Variants in TRHDE observed in about 807,000 individuals in gnomAD.
TRHDE encodes the protein thyrotropin releasing hormone degrading enzyme, also known as thyrotropin-releasing hormone-degrading ectoenzyme.
In TRHDE, 72 loss-of-function variants were observed where a neutral mutation model predicts 125.7. That is an observed-to-expected ratio of 0.57 (90% CI 0.47 to 0.70). TRHDE has a LOEUF of 0.70. Among genes scored for constraint, TRHDE ranks in the 30% least tolerant of loss-of-function variants. The pLI is 0.00. For missense variants in TRHDE, 1,110 were observed against 1,327.1 expected, an observed-to-expected ratio of 0.84 and a Z score of 2.54; for synonymous variants, 509 against 509.1, an observed-to-expected ratio of 1.00 and a Z score of 0.00.
chr12:72,578,634 T>C (rs1456605453), intron 12 of TRHDE, among the ~76,000 whole-genome samples: 1 of 152,150 alleles, frequency 6.6e-6, no homozygotes, highest in Non-Finnish European at 1.5e-5. Flanking sequence ...CTTTGTGTCA[T>C]CCGTTTATTA....
chr12:72,470,862 G>GTTT (rs1385578929), intron 4 of TRHDE, among the ~76,000 whole-genome samples: 1 of 111,812 alleles, frequency 8.9e-6, no homozygotes, highest in Non-Finnish European at 1.8e-5. Context: ...GTAAATGTCA[G>GTTT]CTTTTTTTTT....
intron 2 of TRHDE, among the ~76,000 whole-genome samples, chr12:72,118,245 T>C (rs1213446301): frequency 6.6e-6 from 1 of 151,498 alleles, no homozygotes; most frequent in Non-Finnish European, 1.5e-5. Context: ...TTTTATGAGT[T>C]TTTTTTTAAA....
At chr12:72,255,193 C>T (rs950427707) in intron 2 of TRHDE, 6 of 152,122 alleles carry the variant, frequency 3.9e-5, no homozygotes, top group South Asian at 2.1e-4. Flanking sequence ...TAATAAATTG[C>T]GAAGTGGTTT....
At chr12:72,137,353 C>T (rs1325022956) in intron 2 of TRHDE, 2 of 152,184 alleles carry the variant, frequency 1.3e-5, no homozygotes, top group Non-Finnish European at 2.9e-5. Flanking sequence ...CTTAGTCTGG[C>T]ACTTCAAGGA....
chr12:72,241,289 A>C (rs1335530850), intron 2 of TRHDE, among the ~76,000 whole-genome samples: 1 of 152,192 alleles, frequency 6.6e-6, no homozygotes, highest in African/African-American at 2.4e-5. Flanking sequence ...TCACTGTGCT[A>C]TCCCTTTGTA....
intron 2 of TRHDE, among the ~76,000 whole-genome samples, chr12:72,148,647 A>T (rs905652682): frequency 2.0e-5 from 3 of 152,238 alleles, no homozygotes; most frequent in African/African-American, 7.2e-5. Context: ...CAGTGTGGTT[A>T]GCTGCAATTA....
intron 13 of TRHDE, among the ~76,000 whole-genome samples, chr12:72,619,695 T>C (rs1826208): frequency 0.23 from 34,330 of 152,160 alleles, 5,068 homozygotes; most frequent in Non-Finnish European, 0.31. Flanking sequence ...GATTAAGTAC[T>C]GCTCATGAGC....
At chr12:72,616,723 G>A (rs1337339787) in intron 12 of TRHDE, among the ~76,000 whole-genome samples, 1 of 152,040 alleles carries the variant, frequency 6.6e-6, no homozygotes, top group Non-Finnish European at 1.5e-5. Context: ...TTGAAGTTTT[G>A]TAATAAGTTA....
At chr12:72,191,336 G>A (rs560945025) in intron 2 of TRHDE, among the ~76,000 whole-genome samples, 7 of 152,204 alleles carry the variant, frequency 4.6e-5, no homozygotes, top group Non-Finnish European at 7.4e-5. Flanking sequence ...AGCTCTCATA[G>A]CATCTCCTAG....
chr12:72,533,053 G>A (rs1328541401), intron 6 of TRHDE, among the ~76,000 whole-genome samples: 1 of 151,894 alleles, frequency 6.6e-6, no homozygotes, highest in Non-Finnish European at 1.5e-5. Flanking sequence ...TTCCTTAAAA[G>A]TTTATTTGCC....
At chr12:72,302,019 G>A (rs1448750980) in intron 2 of TRHDE, among the ~76,000 whole-genome samples, 1 of 152,142 alleles carries the variant, frequency 6.6e-6, no homozygotes, top group African/African-American at 2.4e-5. Context: ...TATTTTTCCT[G>A]TGATTACCAA....
At chr12:72,489,417 A>G (rs1877559647) in intron 5 of TRHDE, among the ~76,000 whole-genome samples, 1 of 151,900 alleles carries the variant, frequency 6.6e-6, no homozygotes, top group South Asian at 2.1e-4. Context: ...TGTCTATATT[A>G]CCGAAAGCAA....
chr12:72,652,305 A>T lies in TRHDE; in HGVS notation c.2676-17A>T. 1.4e-6 allele frequency: 2 copies of T among 1,411,310 alleles called. No individual in the cohort carries two copies. Among genetic ancestry groups the T allele is most frequent in the Non-Finnish European group, 1.9e-6 (2 of 1,072,544 alleles). The allele number at this position is 1,411,310 out of a possible 1,614,324, so 87.4% of individuals were successfully genotyped here. ...AGCTTTTAATTAACAGAAAACCACC[A>T]TGGGTTGCTTCTTTAGAATACCACT... is the stretch of plus-strand genomic sequence containing the variant. On this transcript the variant is annotated splice_polypyrimidine_tract_variant and intron_variant, in intron 15 of 18. Coordinates refer to ENST00000261180, the MANE Select transcript of TRHDE (RefSeq NM_013381.3).
At chr12:72,322,698 A>T (rs1869151751) in intron 2 of TRHDE, among the ~76,000 whole-genome samples, 1 of 152,194 alleles carries the variant, frequency 6.6e-6, no homozygotes, top group African/African-American at 2.4e-5. Flanking sequence ...TTATGAAAAC[A>T]CTGAGATGAT....
chr12:72,310,238 C>T (rs1169042669), intron 2 of TRHDE, among the ~76,000 whole-genome samples: 1 of 152,206 alleles, frequency 6.6e-6, no homozygotes, highest in African/African-American at 2.4e-5. Context: ...GTATCCACCT[C>T]ATAGGGTTGT....
At position 72,624,864 on chromosome 12, in the gene TRHDE, G is replaced by A. The variant is rs1435091219; in HGVS notation, c.2675+3113G>A. Among the ~76,000 whole-genome samples, 5 of 151,780 alleles carry A rather than the reference G, an allele frequency of 3.3e-5. No homozygotes were observed. In the Admixed American group the frequency reaches 3.3e-4, roughly 10 times the overall value. Reference sequence around the variant, plus strand: ...GCCAAGCATTTGGTGGAGATACAATGCAAATGATAAAAAGATCTTGAAAAC... The same window carrying A: ...GCCAAGCATTTGGTGGAGATACAATACAAATGATAAAAAGATCTTGAAAAC... On this transcript the variant is annotated intron_variant, in intron 15 of 18. Coordinates refer to ENST00000261180, the MANE Select transcript of TRHDE (RefSeq NM_013381.3).
intron 2 of TRHDE, among the ~76,000 whole-genome samples, chr12:72,131,022 G>T (rs1050789380): frequency 6.8e-6 from 1 of 146,396 alleles, no homozygotes; most frequent in Non-Finnish European, 1.5e-5. Flanking sequence ...GCCTTACGAT[G>T]TCTGTTTCTA....
intron 1 of TRHDE, among the ~76,000 whole-genome samples, chr12:72,284,235 A>C (rs548998292): frequency 1.3e-5 from 2 of 152,224 alleles, no homozygotes; most frequent in East Asian, 3.9e-4. Flanking sequence ...GATAAGAGAC[A>C]CTCAACCTGT....
At chr12:72,512,579 T>C (rs1878649511) in intron 6 of TRHDE, among the ~76,000 whole-genome samples, 1 of 141,162 alleles carries the variant, frequency 7.1e-6, no homozygotes, top group Non-Finnish European at 1.5e-5. Flanking sequence ...TATATAATCA[T>C]ATAATAATCA....
Sources: allele counts gnomAD v4.1 joint callset (sites outside exome capture counted in the v4.1 genomes callset), GRCh38; gene constraint gnomAD v4.1.1; transcripts MANE v1.5; gene names NCBI Gene and HGNC (gene_info 2026-07-23, HGNC 2026-07-21).